Variants in CCDC171 observed in about 807,000 individuals in gnomAD.
CCDC171 encodes coiled-coil domain-containing protein 171.
Under a neutral mutation model 168.2 loss-of-function variants are expected in CCDC171, and 177 were observed. The observed-to-expected ratio is 1.05, with a 90% confidence interval of 0.93 to 1.19. The LOEUF (loss-of-function observed/expected upper bound fraction) is 1.19, where lower values mean the gene tolerates loss of function less well. Among genes scored for constraint, CCDC171 ranks in the 50% most tolerant of loss-of-function variants. The pLI is 0.00. For synonymous variants in CCDC171, 687 were observed against 540.8 expected, an observed-to-expected ratio of 1.27 and a Z score of -3.75; for missense variants, 1,991 against 1,539.0, an observed-to-expected ratio of 1.29 and a Z score of -4.91.
At chr9:16,071,250 T>G in the CCDC171 span, among the ~76,000 whole-genome samples, 5 of 152,168 alleles carry the variant, frequency 3.3e-5, no homozygotes, top group Non-Finnish European at 4.4e-5. Flanking sequence ...AACCAAGACA[T>G]CCCCTCTTTT....
intron 23 of CCDC171, among the ~76,000 whole-genome samples, chr9:15,858,704 T>G (rs1383827572): frequency 1.3e-5 from 2 of 152,052 alleles, no homozygotes; most frequent in Non-Finnish European, 2.9e-5. Context: ...TACCTTGGTG[T>G]TTACAATTAA....
chr9:15,990,264 G>A (rs1352169110), intron 3 of CCDC171, among the ~76,000 whole-genome samples: 1 of 150,746 alleles, frequency 6.6e-6, no homozygotes, highest in Non-Finnish European at 1.5e-5. Context: ...AGAGAAGTGG[G>A]GGCCAATATT....
chr9:15,823,475 C>T (rs1350430640), intron 21 of CCDC171, among the ~76,000 whole-genome samples: 1 of 151,932 alleles, frequency 6.6e-6, no homozygotes, highest in Non-Finnish European at 1.5e-5. Context: ...GAAATGAGAG[C>T]TAAGATTACT....
intron 3 of CCDC171, among the ~76,000 whole-genome samples, chr9:16,017,162 G>A (rs1216553823): frequency 6.6e-6 from 1 of 152,060 alleles, no homozygotes; most frequent in African/African-American, 2.4e-5. Flanking sequence ...TAAAAATTAA[G>A]GAGGAAACCA....
chr9:15,776,465 T>A (rs930426598), intron 18 of CCDC171, among the ~76,000 whole-genome samples: 1 of 152,234 alleles, frequency 6.6e-6, no homozygotes, highest in Non-Finnish European at 1.5e-5. Flanking sequence ...AATAACTGAT[T>A]GAAATAAATT....
At chr9:16,036,729 C>G (rs1431710380) in intron 8 of CCDC171, among the ~76,000 whole-genome samples, 1 of 152,202 alleles carries the variant, frequency 6.6e-6, no homozygotes, top group Non-Finnish European at 1.5e-5. Context: ...AATTCTGAAC[C>G]AAGAATCCAA....
intron 7 of CCDC171, among the ~76,000 whole-genome samples, chr9:15,639,768 G>A (rs1033858514): frequency 1.3e-5 from 2 of 152,058 alleles, no homozygotes; most frequent in South Asian, 4.1e-4. Flanking sequence ...ATCTTTCTAT[G>A]TTCTGCTATG....
At chr9:15,890,531 G>GTT (rs58256366) in intron 24 of CCDC171, among the ~76,000 whole-genome samples, 11 of 144,676 alleles carry the variant, frequency 7.6e-5, no homozygotes, top group African/African-American at 2.0e-4. Context: ...GATTGGTAAG[G>GTT]TTTTTTTTTT....
At chr9:15,962,518 C>A (rs1830443793) in intron 25 of CCDC171, among the ~76,000 whole-genome samples, 1 of 152,162 alleles carries the variant, frequency 6.6e-6, no homozygotes, top group Non-Finnish European at 1.5e-5. Flanking sequence ...GCCTGCTTCA[C>A]AATGCTTTCA....
chr9:15,786,559 T>C (rs2057966867), intron 21 of CCDC171, among the ~76,000 whole-genome samples: 1 of 152,190 alleles, frequency 6.6e-6, no homozygotes, highest in Admixed American at 6.6e-5. Flanking sequence ...CAAGGATTTC[T>C]TTCTATGCTA....
At chr9:15,965,416 C>T (rs759758260) in intron 25 of CCDC171, among the ~76,000 whole-genome samples, 4 of 152,132 alleles carry the variant, frequency 2.6e-5, no homozygotes, top group Non-Finnish European at 2.9e-5. Flanking sequence ...AATGGTCAAG[C>T]GTATGAATAG....
chr9:15,686,848 C>T (rs1452957254), intron 10 of CCDC171, among the ~76,000 whole-genome samples: 1 of 152,132 alleles, frequency 6.6e-6, no homozygotes, highest in Non-Finnish European at 1.5e-5. Flanking sequence ...ATGGGTAGAA[C>T]AATGAGGAAG....
chr9:15,566,309 G>C (rs1488758200), intron 2 of CCDC171, among the ~76,000 whole-genome samples: 2 of 151,998 alleles, frequency 1.3e-5, no homozygotes, highest in African/African-American at 4.8e-5. Flanking sequence ...TGTAATCCCA[G>C]CACTTTGGGA....
chr9:15,617,379 G>GTT (rs767843005), intron 6 of CCDC171, among the ~76,000 whole-genome samples: 15 of 138,830 alleles, frequency 1.1e-4, no homozygotes, highest in Non-Finnish European at 1.3e-4. Flanking sequence ...TTGTGGGAGG[G>GTT]TTTTTTTTTT....
intron 1 of CCDC171, among the ~76,000 whole-genome samples, chr9:16,045,471 C>G (rs1302485834): frequency 1.3e-5 from 2 of 152,164 alleles, no homozygotes; most frequent in Non-Finnish European, 2.9e-5. Flanking sequence ...AGCACTCCTT[C>G]CTTCACGGCT....
intron 6 of CCDC171, among the ~76,000 whole-genome samples, chr9:16,032,310 C>A (rs1833376708): frequency 6.6e-6 from 1 of 152,096 alleles, no homozygotes; most frequent in African/African-American, 2.4e-5. Context: ...ATGAAAATAA[C>A]CTGACACCTG....
chr9:15,693,069 G>A (rs540398309), intron 10 of CCDC171, among the ~76,000 whole-genome samples: 109 of 151,956 alleles, frequency 7.2e-4, no homozygotes, highest in African/African-American at 2.4e-3. Context: ...CCTGGGAGGC[G>A]GAGGTTGCAA....
intron 25 of CCDC171, among the ~76,000 whole-genome samples, chr9:15,944,026 A>C (rs1282497378): frequency 1.3e-5 from 2 of 152,022 alleles, no homozygotes; most frequent in African/African-American, 4.8e-5. Context: ...AGTAAGGTTA[A>C]ACTATGTGTT....
chr9:15,812,554 C>T (rs1023745014), intron 21 of CCDC171, among the ~76,000 whole-genome samples: 1 of 152,146 alleles, frequency 6.6e-6, no homozygotes, highest in Non-Finnish European at 1.5e-5. Context: ...AAAATTGTAT[C>T]GGCCACAAAA....
Sources: gnomAD v4.1 joint callset for allele counts (sites outside exome capture counted in the v4.1 genomes callset) on GRCh38, gnomAD v4.1.1 for gene constraint, MANE v1.5 for transcripts, NCBI Gene and HGNC (gene_info 2026-07-23, HGNC 2026-07-21) for gene names.